Variants in RANBP2 observed in about 807,000 individuals in gnomAD.
The protein encoded by RANBP2 is RAN binding protein 2.
Under a neutral mutation model 303.6 loss-of-function variants are expected in RANBP2, and 57 were observed. The ratio of observed to expected loss-of-function variants is 0.19; its 90% CI spans 0.15 to 0.23. The LOEUF (loss-of-function observed/expected upper bound fraction) is 0.23. Among genes scored for constraint, RANBP2 ranks in the 10% least tolerant of loss-of-function variants. The pLI, the probability that RANBP2 is intolerant of heterozygous loss-of-function variation, is 1.00. For missense variants in RANBP2, 3,138 were observed against 3,780.8 expected (o/e 0.83, Z 4.46); for synonymous variants, 1,167 against 1,301.5 (o/e 0.90, Z 2.23).
At chr2:108,810,077 A>T in the RANBP2 span, among the ~76,000 whole-genome samples, 1 of 152,140 alleles carries the variant, frequency 6.6e-6, no homozygotes, top group Non-Finnish European at 1.5e-5. Context: ...TATTGCTGAG[A>T]TTACAGGCAT....
the RANBP2 span, among the ~76,000 whole-genome samples, chr2:109,382,011 A>C: frequency 6.6e-6 from 1 of 152,158 alleles, no homozygotes; most frequent in Non-Finnish European, 1.5e-5. Context: ...ACACAAAGAC[A>C]GCCTGTGCAC....
intron 17 of RANBP2, 61 bp downstream of exon 17, chr2:108,755,320 T>C: frequency 1.9e-6 from 3 of 1,609,242 alleles, no homozygotes; most frequent in African/African-American, 1.3e-5. Flanking sequence ...CTGGCCACTC[T>C]CTCACTTTTT....
the RANBP2 span, among the ~76,000 whole-genome samples, chr2:108,820,948 C>T: frequency 1.3e-5 from 2 of 151,994 alleles, no homozygotes; most frequent in African/African-American, 2.4e-5. Flanking sequence ...AGTAAGTAGC[C>T]TATATTATTG....
At chr2:108,901,116 A>G in the RANBP2 span, among the ~76,000 whole-genome samples, 1 of 152,212 alleles carries the variant, frequency 6.6e-6, no homozygotes, top group Non-Finnish European at 1.5e-5. Flanking sequence ...CTTAAACCTC[A>G]ACAAATTAAA....
At chr2:108,972,989 T>C in the RANBP2 span, among the ~76,000 whole-genome samples, 3 of 152,150 alleles carry the variant, frequency 2.0e-5, no homozygotes, top group Middle Eastern at 3.2e-3. Context: ...TTATTTTAAT[T>C]GAATTTTTTT....
the RANBP2 span, among the ~76,000 whole-genome samples, chr2:109,014,522 A>G: frequency 6.6e-6 from 1 of 152,236 alleles, no homozygotes; most frequent in African/African-American, 2.4e-5. Context: ...TATGTTAAGT[A>G]CAACCAAGGT....
chr2:109,128,287 G>A, the RANBP2 span: 1 of 152,260 alleles, frequency 6.6e-6, no homozygotes, highest in Admixed American at 6.5e-5. Flanking sequence ...GGGAAGGAGA[G>A]CGCGAATTCA....
the RANBP2 span, among the ~76,000 whole-genome samples, chr2:109,205,737 C>T: frequency 5.3e-5 from 8 of 152,194 alleles, no homozygotes; most frequent in Non-Finnish European, 1.0e-4. Flanking sequence ...TGCTCACTGG[C>T]AGGAAGGCAG....
the RANBP2 span, among the ~76,000 whole-genome samples, chr2:109,234,444 T>A: frequency 6.6e-6 from 1 of 152,214 alleles, no homozygotes; most frequent in African/African-American, 2.4e-5. Flanking sequence ...GGAGCTAGTG[T>A]TCTTTGGAAC....
chr2:109,375,721 G>A, the RANBP2 span, among the ~76,000 whole-genome samples: 1 of 152,220 alleles, frequency 6.6e-6, no homozygotes, highest in Admixed American at 6.5e-5. Context: ...TGAGTGCCGG[G>A]GCTGAGCACC....
the RANBP2 span, among the ~76,000 whole-genome samples, chr2:108,900,424 C>T: frequency 6.6e-6 from 1 of 152,044 alleles, no homozygotes; most frequent in Non-Finnish European, 1.5e-5. Flanking sequence ...TGTGGTGGCA[C>T]ATGCCTGTGA....
At chr2:109,009,707 T>TTTC in the RANBP2 span, among the ~76,000 whole-genome samples, 1 of 96,870 alleles carries the variant, frequency 1.0e-5, no homozygotes, top group South Asian at 2.6e-4. Context: ...TTTACCTTTT[T>TTTC]TTTGTTTTTT....
the RANBP2 span, among the ~76,000 whole-genome samples, chr2:109,096,714 C>CT: frequency 1.3e-5 from 2 of 151,318 alleles, no homozygotes; most frequent in Non-Finnish European, 2.9e-5. Context: ...ATTTTTTTTG[C>CT]TTTTTTTGCT....
At chr2:109,032,088 G>C in the RANBP2 span, among the ~76,000 whole-genome samples, 2 of 152,058 alleles carry the variant, frequency 1.3e-5, no homozygotes, top group African/African-American at 4.8e-5. Flanking sequence ...TCGGAGCTTT[G>C]TTTTCAAGTT....
At chr2:109,576,301 G>T in the RANBP2 span, among the ~76,000 whole-genome samples, 1 of 151,926 alleles carries the variant, frequency 6.6e-6, no homozygotes, top group Non-Finnish European at 1.5e-5. Context: ...GTCTCGTTGT[G>T]TTGCCCGGGC....
the RANBP2 span, among the ~76,000 whole-genome samples, chr2:109,116,565 C>T: frequency 6.6e-6 from 1 of 152,248 alleles, no homozygotes; most frequent in African/African-American, 2.4e-5. Flanking sequence ...ACTTCTTTGC[C>T]TTTGGTTTGA....
the RANBP2 span, among the ~76,000 whole-genome samples, chr2:109,269,063 G>A: frequency 6.6e-5 from 10 of 152,206 alleles, no homozygotes; most frequent in African/African-American, 1.7e-4. Context: ...CTCTTGTCCC[G>A]CACTGTGCTC....
In RANBP2 at chr2:108,764,704, C is replaced by A. The variant is rs1185772623; in HGVS notation, c.4165C>A (p.Pro1389Thr). 6 of 1,613,810 alleles carry A rather than the reference C, an allele frequency of 3.7e-6. No homozygotes were observed. The East Asian group carries it at 1.3e-4, about 36-fold the overall frequency. Reference protein sequence around the residue: ...NPSNKELVGPPLAETVFTPKT... With the variant: ...NPSNKELVGPTLAETVFTPKT... ...AAGCAATAAAGAGCTCGTTGGCCCA[C>A]CATTAGCTGAAACTGTTTTTACTCC... Residue 1389 changes from proline to threonine, a missense_variant, in exon 20 of 29, where the codon CCA becomes ACA. Physicochemically the swap from Pro to Thr is conservative, Grantham distance 38. Transcript: ENST00000283195.
the RANBP2 span, among the ~76,000 whole-genome samples, chr2:109,665,933 G>A: frequency 1.3e-5 from 2 of 151,802 alleles, no homozygotes; most frequent in African/African-American, 4.8e-5. Context: ...CCAACATGGA[G>A]AAACCCTGTC....
Sources: gnomAD v4.1 joint callset for allele counts (sites outside exome capture counted in the v4.1 genomes callset) on GRCh38, gnomAD v4.1.1 for gene constraint, MANE v1.5 for transcripts, NCBI Gene and HGNC (gene_info 2026-07-23, HGNC 2026-07-21) for gene names.